PCDHGB3: variants seen among roughly 807,000 people sequenced by gnomAD.
The protein encoded by PCDHGB3 is protocadherin gamma-B3.
PCDHGB3 carries 40 observed loss-of-function variants against 59.2 expected under a neutral mutation model. The ratio of observed to expected loss-of-function variants is 0.68; its 90% CI spans 0.52 to 0.88. The LOEUF (loss-of-function observed/expected upper bound fraction) is 0.88. PCDHGB3 is among the 40% of genes least tolerant of loss of function. PCDHGB3 has a pLI of 0.00. For synonymous variants in PCDHGB3, 581 were observed against 503.6 expected (o/e 1.15, Z -2.06); for missense variants, 1,309 against 1,187.9 (o/e 1.10, Z -1.50).
chr5:141,501,439 C>G (rs1245306644), intron 2 of PCDHGB3, among the ~76,000 whole-genome samples: 1 of 151,978 alleles, frequency 6.6e-6, no homozygotes, highest in Non-Finnish European at 1.5e-5. Context: ...TCCATTTCTT[C>G]CATTTTTACT....
intron 1 of PCDHGB3, chr5:141,383,335 A>C (rs768493481): frequency 2.6e-5 from 42 of 1,613,892 alleles, no homozygotes; most frequent in Non-Finnish European, 3.4e-5. Flanking sequence ...AATGGAGAAT[A>C]CAGCTCCTGG....
chr5:141,370,493 C>T lies in PCDHGB3; in HGVS notation c.99C>T (p.Ile33=). ...SLLDQALSEP[I]RYAIPEELDR... is the part of the protein sequence containing the mutation. Reference sequence around the variant, plus strand: ...TAGACCAGGCTCTCTCCGAACCGATCCGCTACGCTATTCCCGAGGAGCTGG... The same window carrying T: ...TAGACCAGGCTCTCTCCGAACCGATTCGCTACGCTATTCCCGAGGAGCTGG... Residue 33 remains isoleucine, a synonymous_variant, in exon 1 of 4, where the codon ATC becomes ATT. Transcript: ENST00000576222. 1 of 1,613,944 alleles carries T rather than the reference C, an allele frequency of 6.2e-7. No individual in the cohort carries two copies. Among genetic ancestry groups the T allele is most frequent in the Non-Finnish European group, 8.5e-7 (1 of 1,179,870 alleles).
At chr5:141,410,849 CTTTTTTTTTTTT>C (rs759346998) in intron 1 of PCDHGB3, 1 of 129,786 alleles carries the variant, frequency 7.7e-6, no homozygotes, top group East Asian at 2.3e-4. Flanking sequence ...TTGTCTTTGT[CTTTTTTTTTTTT>C]TTTTTTTTTT....
At chr5:141,393,430 C>G in intron 1 of PCDHGB3, 1 of 1,614,040 alleles carries the variant, frequency 6.2e-7, no homozygotes, top group Non-Finnish European at 8.5e-7. Context: ...GAGGAAGAGG[C>G]TGCTCACCAC....
chr5:141,508,910 A>T (rs2099872999), intron 3 of PCDHGB3, among the ~76,000 whole-genome samples: 1 of 151,906 alleles, frequency 6.6e-6, no homozygotes, highest in Non-Finnish European at 1.5e-5. Context: ...GCGGTGGCGG[A>T]TCTGGCTTCC....
intron 1 of PCDHGB3, among the ~76,000 whole-genome samples, chr5:141,451,522 A>G (rs1387873094): frequency 6.6e-6 from 1 of 152,200 alleles, no homozygotes; most frequent in Non-Finnish European, 1.5e-5. Flanking sequence ...TAGAGCAAGT[A>G]AAGGAGAGTG....
chr5:141,469,711 T>C (rs894622720), intron 1 of PCDHGB3, among the ~76,000 whole-genome samples: 13 of 152,372 alleles, frequency 8.5e-5, no homozygotes, highest in African/African-American at 2.4e-4. Flanking sequence ...AATCACACTA[T>C]TAGGAATTTA....
At chr5:141,402,272 G>A (rs934353221) in intron 1 of PCDHGB3, among the ~76,000 whole-genome samples, 7 of 151,874 alleles carry the variant, frequency 4.6e-5, no homozygotes, top group African/African-American at 1.2e-4. Context: ...TAATTTCAAA[G>A]TGGATAATCT....
intron 1 of PCDHGB3, chr5:141,390,568 C>T: frequency 2.4e-6 from 1 of 414,986 alleles, no homozygotes; most frequent in Non-Finnish European, 4.3e-6. Context: ...GTTGTTGGCT[C>T]TCTCCTAAAA....
intron 3 of PCDHGB3, among the ~76,000 whole-genome samples, chr5:141,509,685 A>G (rs923641083): frequency 6.6e-6 from 1 of 152,166 alleles, no homozygotes. Flanking sequence ...TCTTCTGTAC[A>G]GTGGGACGTT....
intron 1 of PCDHGB3, chr5:141,419,955 T>C: frequency 1.9e-6 from 3 of 1,614,096 alleles, no homozygotes; most frequent in Non-Finnish European, 2.5e-6. Flanking sequence ...TTGGCCTTGA[T>C]TTCTGTGCTC....
chr5:141,390,388 G>A, intron 1 of PCDHGB3: 1 of 1,423,474 alleles, frequency 7.0e-7, no homozygotes, highest in African/African-American at 1.4e-5. Flanking sequence ...TAGATGTCAT[G>A]GATCATTTTA....
intron 1 of PCDHGB3, chr5:141,392,963 G>C: frequency 6.2e-7 from 1 of 1,613,922 alleles, no homozygotes; most frequent in Non-Finnish European, 8.5e-7. Flanking sequence ...ATATCTCCAA[G>C]GACCTGGGGC....
At position 141,440,639 on chromosome 5, in the gene PCDHGB3, T is replaced by C. The variant is rs2098191350; in HGVS notation, c.2416-54168T>C. On this transcript the variant is annotated intron_variant, in intron 1 of 3. Coordinates refer to ENST00000576222, the MANE Select transcript of PCDHGB3 (RefSeq NM_018924.5). ...GATCCTGATGTTGAGAGAAATTCCT[T>C]ACAAAATTATCACCTTAGCAGCAAC... 2 of 152,192 alleles carry C rather than the reference T, an allele frequency of 1.3e-5. 1 individual carries two copies. The highest frequency in any genetic ancestry group is 4.8e-5 in the African/African-American group (2 of 41,440). The allele number at this position is 152,192 out of a possible 1,614,324, so 9.4% of individuals were successfully genotyped here.
At chr5:141,450,792 G>T (rs1222162745) in intron 1 of PCDHGB3, among the ~76,000 whole-genome samples, 2 of 149,686 alleles carry the variant, frequency 1.3e-5, no homozygotes, top group Non-Finnish European at 3.0e-5. Context: ...CGGACCTCAT[G>T]ATTGTATTTA....
chr5:141,400,499 G>A (rs1258690272), intron 1 of PCDHGB3: 8 of 1,613,910 alleles, frequency 5.0e-6, no homozygotes, highest in Non-Finnish European at 6.8e-6. Context: ...TGTAATTCCA[G>A]CGAGTCGACT....
At chr5:141,406,870 G>T (rs903338003) in intron 1 of PCDHGB3, among the ~76,000 whole-genome samples, 1 of 152,230 alleles carries the variant, frequency 6.6e-6, no homozygotes, top group Non-Finnish European at 1.5e-5. Flanking sequence ...CTCAGGAACT[G>T]CTGGGAAGAT....
intron 1 of PCDHGB3, chr5:141,423,126 G>T (rs1397550571): frequency 6.2e-7 from 1 of 1,613,622 alleles, no homozygotes; most frequent in Non-Finnish European, 8.5e-7. Context: ...CGCGGGCACT[G>T]CTGGACAGAG....
In PCDHGB3 at chr5:141,418,134, G is replaced by A. The variant is rs367774534; in HGVS notation, c.2415+45325G>A. ...TTACTTGTGAAGGACCGAATAGACC[G>A]TGAGCAAATATGCAAAGAGAGAAGA... On this transcript the variant is annotated intron_variant, in intron 1 of 3. Transcript: ENST00000576222. The A allele has an allele frequency of 3.1e-6, 5 of 1,613,970 alleles. No individual in the cohort carries two copies. In the African/African-American group the frequency reaches 4.0e-5, roughly 13 times the overall value.
Sources: gnomAD v4.1 joint callset for allele counts (sites outside exome capture counted in the v4.1 genomes callset) on GRCh38, gnomAD v4.1.1 for gene constraint, MANE v1.5 for transcripts, NCBI Gene and HGNC (gene_info 2026-07-23, HGNC 2026-07-21) for gene names.